The following RABGEF1 variants were observed in gnomAD, a reference collection of about 807,000 sequenced individuals.
The protein encoded by RABGEF1 is RAB guanine nucleotide exchange factor 1.
A neutral mutation model predicts 57.3 loss-of-function variants in RABGEF1; 26 were observed. The ratio of observed to expected loss-of-function variants is 0.45; its 90% confidence interval spans 0.33 to 0.63. The LOEUF (loss-of-function observed/expected upper bound fraction) is 0.63, where lower values mean the gene tolerates loss of function less well. Ranked by LOEUF, RABGEF1 falls within the 20% of genes least tolerant of loss-of-function variation. RABGEF1 has a pLI of 0.02. For missense variants in RABGEF1, 464 were observed against 607.6 expected, an observed-to-expected ratio of 0.76 and a Z score of 2.48; for synonymous variants, 185 against 210.7, an observed-to-expected ratio of 0.88 and a Z score of 1.06.
At chr7:66,771,812 G>A in intron 1 of RABGEF1, 71 bp from the exon 2 acceptor site, 1 of 1,168,456 alleles carries the variant, frequency 8.6e-7, no homozygotes, top group Non-Finnish European at 1.1e-6. Context: ...CTCACTTTTT[G>A]TTCATAATTG....
chr7:66,726,424 G>T (rs969203199), intron 2 of RABGEF1, among the ~76,000 whole-genome samples: 26 of 152,190 alleles, frequency 1.7e-4, no homozygotes, highest in African/African-American at 6.0e-4. Flanking sequence ...GAGTGCAGTG[G>T]TGCCATCATA....
chr7:66,683,084 G>T (rs1032900331), intron 1 of RABGEF1, among the ~76,000 whole-genome samples: 6 of 152,156 alleles, frequency 3.9e-5, no homozygotes, highest in African/African-American at 1.4e-4. Context: ...AGCACCTTGG[G>T]AGTTGGTTTT....
rs112625006 is a variant in RABGEF1 at position 66,709,299 on chromosome 7, C to G, written c.-872-2868C>G. ...ATAGGTGTGAGCCATCGTGCTCTGC[C>G]TGTTTTAAATTTTAAAATGCATCTG... On this transcript the variant is annotated intron_variant and NMD_transcript_variant, in intron 1 of 9. Transcript: ENST00000607882. Among the ~76,000 whole-genome samples the G allele has an allele frequency of 5.6e-4, 85 of 152,150 alleles. 1 individual carries two copies. The highest frequency in any genetic ancestry group is 1.9e-3 in the African/African-American group (80 of 41,502).
chr7:66,662,431 T>C, the RABGEF1 span, among the ~76,000 whole-genome samples: 7,071 of 152,208 alleles, frequency 0.046, 257 homozygotes, highest in Middle Eastern at 0.14. Context: ...TGGATAATCC[T>C]CTCTCCCTGT....
chr7:66,796,670 G>A (rs1785997622), intron 5 of RABGEF1: 1 of 271,204 alleles, frequency 3.7e-6, no homozygotes. Context: ...TCGGCTCACT[G>A]CAACTCTGCC....
At chr7:66,747,660 T>C (rs1800560502) in intron 1 of RABGEF1, among the ~76,000 whole-genome samples, 4 of 152,208 alleles carry the variant, frequency 2.6e-5, no homozygotes, top group Admixed American at 1.3e-4. Flanking sequence ...AAATTTAAAT[T>C]CTTAAAATTA....
chr7:66,734,222 T>A (rs1797670220), intron 2 of RABGEF1, among the ~76,000 whole-genome samples: 1 of 152,140 alleles, frequency 6.6e-6, no homozygotes, highest in Non-Finnish European at 1.5e-5. Flanking sequence ...TGATGGGACC[T>A]GGGAGGCAAG....
chr7:66,799,264 C>CA (rs1186155905), intron 6 of RABGEF1, 59 bp from the exon 7 acceptor site: 1 of 1,420,732 alleles, frequency 7.0e-7, no homozygotes, highest in East Asian at 2.3e-5. Flanking sequence ...AAGGAGGTGA[C>CA]AAGACAAATG....
intron 1 of RABGEF1, among the ~76,000 whole-genome samples, chr7:66,683,311 A>G (rs1338045287): frequency 2.6e-5 from 4 of 152,096 alleles, no homozygotes. Context: ...AAATTGTTGT[A>G]CCAGGAAACT....
intron 2 of RABGEF1, among the ~76,000 whole-genome samples, chr7:66,726,507 G>A (rs1796599202): frequency 1.3e-5 from 2 of 152,064 alleles, no homozygotes; most frequent in African/African-American, 4.8e-5. Flanking sequence ...GAGACTACAG[G>A]TATGCACCAC....
chr7:66,696,428 G>A (rs533545248), intron 1 of RABGEF1, among the ~76,000 whole-genome samples: 2 of 152,134 alleles, frequency 1.3e-5, no homozygotes, highest in South Asian at 2.1e-4. Context: ...GGTGGCTCAC[G>A]CCTGTAATCC....
chr7:66,744,874 T>C (rs1799839226), intron 1 of RABGEF1, among the ~76,000 whole-genome samples: 1 of 152,040 alleles, frequency 6.6e-6, no homozygotes, highest in South Asian at 2.1e-4. Flanking sequence ...ATTTCTTTGA[T>C]TTTTTGTTGC....
intron 1 of RABGEF1, chr7:66,769,092 A>G (rs1806448375): frequency 6.6e-6 from 1 of 152,300 alleles, no homozygotes; most frequent in Non-Finnish European, 1.5e-5. Flanking sequence ...CTGGAGCCCA[A>G]ACTAGAGGAG....
Position 66,783,906 on chromosome 7 carries a change from A to G in RABGEF1, c.513+65A>G, listed in dbSNP as rs1158986663. On this transcript the variant is annotated intron_variant, in intron 4 of 8. Coordinates refer to ENST00000284957, the MANE Select transcript of RABGEF1 (RefSeq NM_014504.3). Reference sequence around the variant, plus strand: ...TTTGAGGAAAGGTCTTAGAGATAATATAGTGCAACCTTGTCATTTTATGCC... The same window carrying G: ...TTTGAGGAAAGGTCTTAGAGATAATGTAGTGCAACCTTGTCATTTTATGCC... 9.8e-6 allele frequency: 14 copies of G among 1,424,250 alleles called. 1 individual carries two copies. The highest frequency in any genetic ancestry group is 1.8e-4 in the Middle Eastern group (1 of 5,538). 88.2% of individuals were successfully genotyped at this position (1,424,250 alleles called of 1,614,324 possible).
chr7:66,658,141 T>C, the RABGEF1 span, among the ~76,000 whole-genome samples: 1 of 152,162 alleles, frequency 6.6e-6, no homozygotes. Flanking sequence ...AAGAGAATAC[T>C]ATAAACATAT....
intron 1 of RABGEF1, among the ~76,000 whole-genome samples, chr7:66,741,063 C>G (rs1798821078): frequency 6.6e-6 from 1 of 152,206 alleles, no homozygotes; most frequent in Admixed American, 6.5e-5. Flanking sequence ...TCTCCAGCGC[C>G]AGCCGAGCCC....
At chr7:66,715,391 A>G (rs1319539090) in intron 2 of RABGEF1, among the ~76,000 whole-genome samples, 1 of 152,144 alleles carries the variant, frequency 6.6e-6, no homozygotes, top group African/African-American at 2.4e-5. Context: ...TTGGCCTCCC[A>G]ACATGTTGGG....
intron 3 of RABGEF1, 117 bp downstream of exon 3, chr7:66,775,510 G>A: frequency 8.1e-7 from 1 of 1,227,988 alleles, no homozygotes; most frequent in East Asian, 2.5e-5. Flanking sequence ...CATCAGCTCA[G>A]ATTTGACACT....
intron 1 of RABGEF1, among the ~76,000 whole-genome samples, chr7:66,768,228 G>C (rs1227345329): frequency 6.6e-6 from 1 of 152,152 alleles, no homozygotes; most frequent in East Asian, 1.9e-4. Context: ...GCTGTGGAAG[G>C]AGCTGTCGTC....
Sources: allele counts gnomAD v4.1 joint callset (sites outside exome capture counted in the v4.1 genomes callset), GRCh38; gene constraint gnomAD v4.1.1; transcripts MANE v1.5; gene names NCBI Gene and HGNC (gene_info 2026-07-23, HGNC 2026-07-21).